Variants in CDH13 observed in about 807,000 individuals in gnomAD.
CDH13 encodes the protein cadherin-13.
In CDH13, 24 loss-of-function variants were observed where a neutral mutation model predicts 63.8. That is an observed-to-expected ratio of 0.38 (90% CI 0.27 to 0.53). CDH13 has a LOEUF of 0.53. CDH13 is among the 20% of genes least tolerant of loss of function. The pLI is 0.85. For missense variants in CDH13, 1,049 were observed against 903.1 expected (o/e 1.16, Z -2.07); for synonymous variants, 503 against 355.3 (o/e 1.42, Z -4.67).
chr16:82,662,156 G>A (rs1026534280), intron 1 of CDH13, among the ~76,000 whole-genome samples: 3 of 152,098 alleles, frequency 2.0e-5, no homozygotes, highest in African/African-American at 7.2e-5. Flanking sequence ...AGATATTCTG[G>A]CATAGAAAGG....
chr16:82,896,737 T>C, intron 2 of CDH13, among the ~76,000 whole-genome samples: 1 of 150,134 alleles, frequency 6.7e-6, no homozygotes, highest in South Asian at 2.1e-4. Flanking sequence ...GAAAGAAAGA[T>C]TGAGTGGAAT....
chr16:83,118,550 C>G (rs1181763158), intron 3 of CDH13, among the ~76,000 whole-genome samples: 2 of 152,184 alleles, frequency 1.3e-5, no homozygotes, highest in Non-Finnish European at 2.9e-5. Context: ...CCATCCACAG[C>G]CGAATTACTC....
intron 7 of CDH13, among the ~76,000 whole-genome samples, chr16:83,498,209 G>C (rs375789248): frequency 5.6e-4 from 85 of 152,274 alleles, no homozygotes; most frequent in African/African-American, 1.9e-3. Context: ...GGGAACAGAA[G>C]ATTTCCCAGA....
At chr16:83,174,877 A>G (rs2151734754) in intron 4 of CDH13, among the ~76,000 whole-genome samples, 1 of 152,196 alleles carries the variant, frequency 6.6e-6, no homozygotes, top group African/African-American at 2.4e-5. Context: ...ACTGCCAAAC[A>G]CTTTTAAACC....
At chr16:82,862,278 C>A (rs1199965172) in intron 2 of CDH13, among the ~76,000 whole-genome samples, 1 of 152,198 alleles carries the variant, frequency 6.6e-6, no homozygotes, top group Non-Finnish European at 1.5e-5. Context: ...AGAAGAATAG[C>A]TGTCTTGGGC....
intron 6 of CDH13, among the ~76,000 whole-genome samples, chr16:83,471,129 G>C (rs2073441748): frequency 6.6e-6 from 1 of 152,104 alleles, no homozygotes; most frequent in Non-Finnish European, 1.5e-5. Flanking sequence ...GGCCCACCCA[G>C]ATAATCTAGG....
At chr16:82,867,670 TCAAG>T (rs1168774224) in intron 2 of CDH13, among the ~76,000 whole-genome samples, 2 of 152,078 alleles carry the variant, frequency 1.3e-5, no homozygotes, top group African/African-American at 4.8e-5. Flanking sequence ...TGACTATAAA[TCAAG>T]CAAGGAACTT....
chr16:83,270,828 C>G (rs760135931), intron 5 of CDH13, among the ~76,000 whole-genome samples: 1 of 152,104 alleles, frequency 6.6e-6, no homozygotes, highest in Middle Eastern at 3.4e-3. Context: ...TTTGCAGATG[C>G]TGTGTTGCTC....
chr16:83,634,956 G>A (rs1483442724), intron 8 of CDH13, among the ~76,000 whole-genome samples: 1 of 152,178 alleles, frequency 6.6e-6, no homozygotes. Context: ...CCAGCTGCTG[G>A]ATCATATATT....
rs567899872 is a variant in CDH13 at position 83,513,679 on chromosome 16, G to T, written c.960+27024G>T. ...CTTGAAAACTCATTCACTATCATGA[G>T]AACAGCATGAGGGTAACTGCCACCG... is the stretch of plus-strand genomic sequence containing the variant. On this transcript the variant is annotated intron_variant, in intron 7 of 13. Transcript: ENST00000567109. Among the ~76,000 whole-genome samples, 82 of 152,218 alleles carry T rather than the reference G, an allele frequency of 5.4e-4. No individual in the cohort carries two copies. The South Asian group carries it at 5.4e-3, about 10-fold the overall frequency.
At chr16:83,431,935 C>A (rs1238589926) in intron 6 of CDH13, among the ~76,000 whole-genome samples, 2 of 152,112 alleles carry the variant, frequency 1.3e-5, no homozygotes, top group South Asian at 4.1e-4. Flanking sequence ...ATACATACGG[C>A]CATTGGCAGA....
At chr16:83,646,280 C>G (rs1368816041) in intron 8 of CDH13, among the ~76,000 whole-genome samples, 1 of 152,212 alleles carries the variant, frequency 6.6e-6, no homozygotes, top group Non-Finnish European at 1.5e-5. Flanking sequence ...GTAACCTACC[C>G]CACTGGGTGA....
intron 1 of CDH13, among the ~76,000 whole-genome samples, chr16:82,767,859 A>T (rs569093792): frequency 5.7e-4 from 87 of 152,316 alleles, no homozygotes; most frequent in South Asian, 1.2e-3. Context: ...CTGAGGGTCC[A>T]TGTGCTCACT....
intron 2 of CDH13, among the ~76,000 whole-genome samples, chr16:82,902,684 A>C (rs953402018): frequency 1.9e-4 from 29 of 151,682 alleles, no homozygotes; most frequent in African/African-American, 6.8e-4. Context: ...GTGAAATGCC[A>C]TACAACATTG....
At chr16:82,963,024 C>A (rs937458854) in intron 2 of CDH13, among the ~76,000 whole-genome samples, 7 of 151,952 alleles carry the variant, frequency 4.6e-5, no homozygotes, top group African/African-American at 1.7e-4. Context: ...GTATATTTTT[C>A]TAGTAACACC....
chr16:82,946,876 G>C (rs1454219070), intron 2 of CDH13, among the ~76,000 whole-genome samples: 2 of 152,308 alleles, frequency 1.3e-5, no homozygotes, highest in South Asian at 2.1e-4. Flanking sequence ...GAAGTTGAAA[G>C]TGTTTTAAGC....
At chr16:83,069,786 C>A (rs564902567) in intron 3 of CDH13, among the ~76,000 whole-genome samples, 3 of 152,248 alleles carry the variant, frequency 2.0e-5, no homozygotes, top group African/African-American at 7.2e-5. Context: ...CTGGTCCATG[C>A]ATCTCCTTAG....
intron 1 of CDH13, among the ~76,000 whole-genome samples, chr16:82,815,581 A>T (rs996481078): frequency 6.6e-6 from 1 of 152,182 alleles, no homozygotes; most frequent in African/African-American, 2.4e-5. Flanking sequence ...TCAAAAGGCA[A>T]TTCCCATGGG....
chr16:82,910,597 T>A (rs1243333564), intron 2 of CDH13, among the ~76,000 whole-genome samples: 1 of 152,192 alleles, frequency 6.6e-6, no homozygotes, highest in African/African-American at 2.4e-5. Context: ...TCAAGGCTAA[T>A]CCTTGTTGGA....
Sources: gnomAD v4.1 joint callset for allele counts (sites outside exome capture counted in the v4.1 genomes callset) on GRCh38, gnomAD v4.1.1 for gene constraint, MANE v1.5 for transcripts, NCBI Gene and HGNC (gene_info 2026-07-23, HGNC 2026-07-21) for gene names.